The following TBXAS1 variants were observed in gnomAD, a reference collection of about 807,000 sequenced individuals.
The protein encoded by TBXAS1 is thromboxane-A synthase.
In TBXAS1, 48 loss-of-function variants were observed where a neutral mutation model predicts 60.7. The ratio of observed to expected loss-of-function variants is 0.79; its 90% confidence interval spans 0.63 to 1.01. TBXAS1 has a LOEUF of 1.01. Ranked by LOEUF, TBXAS1 falls within the 50% of genes least tolerant of loss-of-function variation. The pLI is 0.00. For synonymous variants in TBXAS1, 287 were observed against 269.7 expected (o/e 1.06, Z -0.63); for missense variants, 685 against 686.3 (o/e 1.00, Z 0.02).
intron 10 of TBXAS1, among the ~76,000 whole-genome samples, chr7:140,008,342 C>A (rs1249184799): frequency 6.6e-6 from 1 of 152,130 alleles, no homozygotes; most frequent in African/African-American, 2.4e-5. Context: ...CACTCAGGGG[C>A]TCTGTGCCCC....
chr7:139,916,383 C>T lies in TBXAS1; in HGVS notation c.333+5062C>T, dbSNP rs551964369. 1.3e-5 allele frequency among the ~76,000 whole-genome samples: 2 copies of T among 152,256 alleles called. No homozygotes were observed. The highest frequency in any genetic ancestry group is 2.9e-5 in the Non-Finnish European group (2 of 68,020). On this transcript the variant is annotated intron_variant, in intron 4 of 12. Coordinates refer to ENST00000448866, the MANE Select transcript of TBXAS1 (RefSeq NM_001061.7). This position sits in a 1 kb window ranked among gnomAD's most constrained non-coding sequence, Gnocchi z 4.2. ...GTGCTTTGGAGATGTGGGTTCTGGT[C>T]TGGAGTGGCAGTATGGAGTGCCATC... is the stretch of plus-strand genomic sequence containing the variant.
At chr7:139,913,942 G>C (rs1215691323) in intron 4 of TBXAS1, 2 of 152,290 alleles carry the variant, frequency 1.3e-5, no homozygotes, top group Non-Finnish European at 2.9e-5. Context: ...CCTGACCTCT[G>C]CCTTGCTCAC....
chr7:139,872,222 C>T lies in TBXAS1; in HGVS notation c.90-13C>T, dbSNP rs1430349303. 6.2e-7 allele frequency: 1 copy of T among 1,611,804 alleles called. No individual in the cohort carries two copies. Among genetic ancestry groups the T allele is most frequent in the Non-Finnish European group, 8.5e-7 (1 of 1,177,978 alleles). On this transcript the variant is annotated splice_polypyrimidine_tract_variant and intron_variant, in intron 1 of 12. Transcript: ENST00000448866. ...TTCATTTCTCAGCTTTTGAAATCTG[C>T]TTTTCCCTCCAGGTACTCCACATCA...
intron 5 of TBXAS1, among the ~76,000 whole-genome samples, chr7:139,948,726 C>G (rs1808956338): frequency 6.6e-6 from 1 of 152,020 alleles, no homozygotes; most frequent in Non-Finnish European, 1.5e-5. Flanking sequence ...GTGCACATGC[C>G]ACGTTTGCCT....
intron 4 of TBXAS1, among the ~76,000 whole-genome samples, chr7:139,812,803 T>A (rs566149894): frequency 1.2e-4 from 18 of 152,152 alleles, no homozygotes; most frequent in Non-Finnish European, 2.2e-4. Context: ...ACGCCTGTAA[T>A]CCCAGCACTT....
intron 4 of TBXAS1, among the ~76,000 whole-genome samples, chr7:139,812,193 C>T (rs1055602291): frequency 2.6e-5 from 4 of 152,210 alleles, no homozygotes; most frequent in African/African-American, 9.6e-5. Flanking sequence ...TAGATAGAAA[C>T]TCTTTCCAGA....
chr7:139,844,290 A>C (rs1356223258), intron 1 of TBXAS1, among the ~76,000 whole-genome samples: 1 of 152,130 alleles, frequency 6.6e-6, no homozygotes, highest in Non-Finnish European at 1.5e-5. Context: ...TTGAGCACAA[A>C]TCCCCACAGT....
At chr7:139,964,847 C>A (rs927882814) in intron 9 of TBXAS1, among the ~76,000 whole-genome samples, 2 of 152,154 alleles carry the variant, frequency 1.3e-5, no homozygotes, top group African/African-American at 4.8e-5. Context: ...AGCCATGGGG[C>A]GATAGGAGTC....
chr7:139,779,397 C>T (rs1472854545), intron 1 of TBXAS1, among the ~76,000 whole-genome samples: 1 of 152,200 alleles, frequency 6.6e-6, no homozygotes, highest in Non-Finnish European at 1.5e-5. Flanking sequence ...CCTATCCCTT[C>T]TCTTAACCTA....
chr7:139,955,695 T>C (rs1584947190), intron 7 of TBXAS1, 88 bp downstream of exon 7: 10 of 1,577,586 alleles, frequency 6.3e-6, no homozygotes, highest in East Asian at 2.2e-5. Context: ...TGGGGCTCTG[T>C]CCCTGCCACT....
At chr7:139,962,313 T>G (rs1333192944) in intron 9 of TBXAS1, 80 bp downstream of exon 9, 13 of 1,511,236 alleles carry the variant, frequency 8.6e-6, no homozygotes, top group Admixed American at 3.5e-5. Flanking sequence ...GAAACTTATT[T>G]TTAATGACTT....
At chr7:139,808,679 G>A (rs117290848) in intron 4 of TBXAS1, among the ~76,000 whole-genome samples, 1 of 152,080 alleles carries the variant, frequency 6.6e-6, no homozygotes, top group East Asian at 1.9e-4. Context: ...AGTCAGCTCT[G>A]CTCACAGTGG....
intron 1 of TBXAS1, among the ~76,000 whole-genome samples, chr7:139,855,943 GAC>G (rs1404966905): frequency 6.6e-6 from 1 of 152,146 alleles, no homozygotes; most frequent in Non-Finnish European, 1.5e-5. Flanking sequence ...ATTAATTAAA[GAC>G]ACCACAGTTT....
In TBXAS1 at chr7:139,865,856, G is replaced by A. The variant is rs1247108466; in HGVS notation, c.90-6379G>A. Among the ~76,000 whole-genome samples the A allele has an allele frequency of 1.3e-3, 148 of 111,904 alleles. 3 individuals carry two copies. The highest frequency in any genetic ancestry group is 2.9e-3 in the African/African-American group (77 of 26,762). The allele number at this position is 111,904 out of a possible 152,430, so 73.4% of individuals were successfully genotyped here. ...GGGGGGAAAGGAAGAAGGAAGGAGG[G>A]AGGGAGGAAGGAAGGAGGGAGGGAG... is the stretch of plus-strand genomic sequence containing the variant. On this transcript the variant is annotated intron_variant, in intron 1 of 12. Coordinates refer to ENST00000448866, the MANE Select transcript of TBXAS1 (RefSeq NM_001061.7).
chr7:139,911,073 T>C, intron 3 of TBXAS1, 152 bp from the exon 4 acceptor site: 1 of 727,356 alleles, frequency 1.4e-6, no homozygotes, highest in Non-Finnish European at 2.5e-6. Context: ...GCTATATGGT[T>C]GCTTATGATT....
At chr7:139,978,929 T>C (rs998591470) in intron 9 of TBXAS1, among the ~76,000 whole-genome samples, 2 of 152,132 alleles carry the variant, frequency 1.3e-5, no homozygotes, top group African/African-American at 4.8e-5. Context: ...CACTCTAGCA[T>C]GGGCGACAAA....
At chr7:139,933,430 C>T (rs1569515411) in intron 4 of TBXAS1, among the ~76,000 whole-genome samples, 1 of 152,140 alleles carries the variant, frequency 6.6e-6, no homozygotes, top group Non-Finnish European at 1.5e-5. Flanking sequence ...TGCATCTTGC[C>T]ACTACATAAA....
At chr7:139,881,587 C>T (rs1361929335) in intron 3 of TBXAS1, among the ~76,000 whole-genome samples, 4 of 152,160 alleles carry the variant, frequency 2.6e-5, no homozygotes, top group Non-Finnish European at 5.9e-5. Context: ...TGCTTAATCA[C>T]AAGCCAGGGC....
At chr7:140,016,289 C>T in intron 11 of TBXAS1, 1 of 288,862 alleles carries the variant, frequency 3.5e-6, no homozygotes, top group Non-Finnish European at 6.5e-6. Flanking sequence ...GATGGTGCCA[C>T]TACACTCCAG....
Sources: allele counts gnomAD v4.1 joint callset (sites outside exome capture counted in the v4.1 genomes callset), GRCh38; gene constraint gnomAD v4.1.1; non-coding constraint Gnocchi (gnomAD v3.1); transcripts MANE v1.5; gene names NCBI Gene and HGNC (gene_info 2026-07-23, HGNC 2026-07-21).